The following RBPMS2 variants were observed in gnomAD, a reference collection of about 807,000 sequenced individuals.
The protein encoded by RBPMS2 is RNA-binding protein with multiple splicing 2.
A neutral mutation model predicts 25.7 loss-of-function variants in RBPMS2; 14 were observed. That is an observed-to-expected ratio of 0.55 (90% confidence interval 0.36 to 0.85). RBPMS2 has a LOEUF of 0.85. Ranked by LOEUF, RBPMS2 falls within the 40% of genes least tolerant of loss-of-function variation. The pLI is 0.01. For synonymous variants in RBPMS2, 127 were observed against 115.6 expected (o/e 1.10, Z -0.63); for missense variants, 252 against 283.4 (o/e 0.89, Z 0.80).
intron 1 of RBPMS2, among the ~76,000 whole-genome samples, chr15:64,754,536 G>C (rs1263523675): frequency 6.6e-6 from 1 of 151,200 alleles, no homozygotes; most frequent in East Asian, 1.9e-4. Context: ...CACTTGAATC[G>C]GGAGGCAGAG....
At chr15:64,765,913 A>T (rs1421192728) in intron 1 of RBPMS2, among the ~76,000 whole-genome samples, 1 of 151,948 alleles carries the variant, frequency 6.6e-6, no homozygotes, top group Non-Finnish European at 1.5e-5. Flanking sequence ...GAATTGCTTG[A>T]ACCTGGGAGG....
In RBPMS2 at chr15:64,775,295, C is replaced by A; in HGVS notation, c.25G>T (p.Glu9Ter). 7.4e-7 allele frequency: 1 copy of A among 1,351,804 alleles called. No individual in the cohort carries two copies. Among genetic ancestry groups the A allele is most frequent in the Non-Finnish European group, 9.6e-7 (1 of 1,045,328 alleles). 83.7% of individuals were successfully genotyped at this position (1,351,804 alleles called of 1,614,324 possible). MSNLKPDG[E>*]HGGSTGTGSG... ...CCGGTGCCGGTGCTGCCGCCGTGCT[C>A]GCCGTCCGGCTTCAGGTTGCTCATG... is the stretch of plus-strand genomic sequence containing the variant. Residue 9 changes from glutamate to a stop codon, truncating the protein, a stop_gained, in exon 1 of 8, where the codon GAG (glutamate) becomes TAG (stop). Coordinates refer to ENST00000300069, the MANE Select transcript of RBPMS2 (RefSeq NM_194272.3). LOFTEE classifies it high-confidence loss of function.
intron 1 of RBPMS2, among the ~76,000 whole-genome samples, chr15:64,766,001 A>C (rs1275482531): frequency 6.6e-6 from 1 of 152,088 alleles, no homozygotes; most frequent in Admixed American, 6.6e-5. Context: ...AAAAAAAAAA[A>C]AATGGTCTCA....
chr15:64,751,868 G>C (rs1370118614), intron 1 of RBPMS2, among the ~76,000 whole-genome samples: 1 of 152,066 alleles, frequency 6.6e-6, no homozygotes. Context: ...TGCGTCTGCC[G>C]GATGCCTCTG....
intron 1 of RBPMS2, among the ~76,000 whole-genome samples, chr15:64,771,326 A>T (rs1008714061): frequency 1.3e-5 from 2 of 152,230 alleles, no homozygotes; most frequent in Non-Finnish European, 2.9e-5. Flanking sequence ...GATTGGTTCC[A>T]GGGTTCCCCC....
chr15:64,749,747 TAATTCCACTGAATTA>T lies in RBPMS2; in HGVS notation c.205-269_205-255del, dbSNP rs367925137. Reference sequence around the variant, plus strand: ...TGTGGGAAATGATGCCAACAGAGCTTAATTCCACTGAATTAAACGTCGCCCTTTTAGTAAAAGTAT... The same window carrying T: ...TGTGGGAAATGATGCCAACAGAGCTTAACGTCGCCCTTTTAGTAAAAGTAT... On this transcript the variant is annotated intron_variant, in intron 3 of 7. Coordinates refer to ENST00000300069, the MANE Select transcript of RBPMS2 (RefSeq NM_194272.3). Among the ~76,000 whole-genome samples the T allele has an allele frequency of 1.2e-3, 187 of 152,322 alleles. 1 individual carries two copies. The highest frequency in any genetic ancestry group is 4.5e-3 in the African/African-American group (185 of 41,568).
In RBPMS2 at chr15:64,775,354, G is replaced by A; in HGVS notation, c.-35C>T. 1 of 1,198,918 alleles carries A rather than the reference G, an allele frequency of 8.3e-7. No individual in the cohort carries two copies. The highest frequency in any genetic ancestry group is 1.0e-6 in the Non-Finnish European group (1 of 952,562). The allele number at this position is 1,198,918 out of a possible 1,614,324, so 74.3% of individuals were successfully genotyped here. ...GAGGGGGCGGCGGGAAGGAACGCGA[G>A]GGCGAGCGCGGCGCCGGCCCCGCGG... On this transcript the variant is annotated 5_prime_UTR_variant, in exon 1 of 8. Transcript: ENST00000300069.
At chr15:64,741,358 G>A in intron 6 of RBPMS2, 116 bp from the exon 7 acceptor site, 1 of 777,168 alleles carries the variant, frequency 1.3e-6, no homozygotes, top group East Asian at 2.7e-5. Flanking sequence ...CTGATTGGCT[G>A]GCACATTTTG....
chr15:64,765,885 C>A (rs778637741), intron 1 of RBPMS2, among the ~76,000 whole-genome samples: 1 of 151,984 alleles, frequency 6.6e-6, no homozygotes, highest in African/African-American at 2.4e-5. Flanking sequence ...CCCAGCTACT[C>A]AGGAGGCTGA....
In RBPMS2 at chr15:64,762,888, G is replaced by A. The variant is rs577587603; in HGVS notation, c.88-11250C>T. ...AGGTGGCAAAGAAGTGGTGTGAACA[G>A]AGAAGAGAAGGGGACAAGATGGAAG... is the stretch of plus-strand genomic sequence containing the variant. On this transcript the variant is annotated intron_variant, in intron 1 of 7. Transcript: ENST00000300069. 2.0e-5 allele frequency among the ~76,000 whole-genome samples: 3 copies of A among 152,334 alleles called. No homozygotes were observed. The East Asian group carries it at 5.8e-4, about 29-fold the overall frequency.
At chr15:64,749,288 G>T in intron 4 of RBPMS2, 138 bp from the exon 5 acceptor site, 1 of 1,321,490 alleles carries the variant, frequency 7.6e-7, no homozygotes, top group Non-Finnish European at 1.1e-6. Flanking sequence ...AGGAAAGGCA[G>T]CTCAGGCCTT....
intron 1 of RBPMS2, among the ~76,000 whole-genome samples, chr15:64,774,870 G>A (rs1245908552): frequency 3.3e-5 from 5 of 151,602 alleles, no homozygotes; most frequent in African/African-American, 4.8e-5. Flanking sequence ...CACGCAGGAG[G>A]TGCGCCTCGG....
intron 1 of RBPMS2, among the ~76,000 whole-genome samples, chr15:64,768,146 T>C (rs962055453): frequency 6.6e-6 from 1 of 152,170 alleles, no homozygotes; most frequent in Non-Finnish European, 1.5e-5. Flanking sequence ...CAATGGGTAG[T>C]GGAGGAGTGT....
At chr15:64,765,622 T>C (rs2083839420) in intron 1 of RBPMS2, among the ~76,000 whole-genome samples, 1 of 150,594 alleles carries the variant, frequency 6.6e-6, no homozygotes, top group African/African-American at 2.4e-5. Context: ...GGGCAAAAAC[T>C]GGAAGGTGCA....
At chr15:64,746,412 CCTCCATGCCATCACGCGA>C (rs1170652010) in intron 6 of RBPMS2, among the ~76,000 whole-genome samples, 1 of 152,218 alleles carries the variant, frequency 6.6e-6, no homozygotes, top group Non-Finnish European at 1.5e-5. Context: ...CACAGCACTC[CCTCCATGCCATCACGCGA>C]CTCCATGCCA....
intron 6 of RBPMS2, among the ~76,000 whole-genome samples, chr15:64,744,343 G>C (rs945839555): frequency 1.2e-4 from 19 of 152,166 alleles, no homozygotes; most frequent in African/African-American, 4.1e-4. Context: ...CGGATCACCT[G>C]AGGTCGAGAG....
At chr15:64,747,565 G>A (rs1370326205) in intron 6 of RBPMS2, among the ~76,000 whole-genome samples, 1 of 152,142 alleles carries the variant, frequency 6.6e-6, no homozygotes, top group Non-Finnish European at 1.5e-5. Context: ...CCCTTCCTGT[G>A]GCTGCCTGGC....
Position 64,762,994 on chromosome 15 carries a change from G to A in RBPMS2, c.88-11356C>T, listed in dbSNP as rs192138338. On this transcript the variant is annotated intron_variant, in intron 1 of 7. Coordinates refer to ENST00000300069, the MANE Select transcript of RBPMS2 (RefSeq NM_194272.3). ...GGGTCTCTGCAGAGCCAACGTTAGG[G>A]CTGCCGAACAGAAACGTCAGGGCAG... Among the ~76,000 whole-genome samples, 596 of 151,432 alleles carry A rather than the reference G, an allele frequency of 3.9e-3. 2 individuals carry two copies. Among genetic ancestry groups the A allele is most frequent in the African/African-American group, 0.014 (588 of 41,198 alleles).
intron 1 of RBPMS2, among the ~76,000 whole-genome samples, chr15:64,754,254 G>A (rs1277520740): frequency 1.3e-5 from 2 of 152,114 alleles, no homozygotes; most frequent in Admixed American, 1.3e-4. Flanking sequence ...AGAGGTTGTG[G>A]TGAGCCAAGA....
Sources: allele counts gnomAD v4.1 joint callset (sites outside exome capture counted in the v4.1 genomes callset), GRCh38; gene constraint gnomAD v4.1.1; transcripts MANE v1.5; gene names NCBI Gene and HGNC (gene_info 2026-07-23, HGNC 2026-07-21).